The following RGS7 variants were observed in gnomAD, a reference collection of about 807,000 sequenced individuals.
RGS7 encodes the protein regulator of G-protein signaling 7.
Under a neutral mutation model 81.1 loss-of-function variants are expected in RGS7, and 27 were observed. That is an observed-to-expected ratio of 0.33 (90% CI 0.25 to 0.46). The LOEUF is 0.46. Among genes scored for constraint, RGS7 ranks in the 20% least tolerant of loss-of-function variants. RGS7 has a pLI of 1.00. For missense variants in RGS7, 396 were observed against 607.4 expected, an observed-to-expected ratio of 0.65 and a Z score of 3.66; for synonymous variants, 208 against 207.7, an observed-to-expected ratio of 1.00 and a Z score of -0.01.
intron 2 of RGS7, among the ~76,000 whole-genome samples, chr1:241,236,697 G>GCC (rs1213480605): frequency 2.6e-5 from 4 of 152,058 alleles, no homozygotes; most frequent in Admixed American, 2.6e-4. Flanking sequence ...CAGTTTTATT[G>GCC]CCACACCCAA....
intron 2 of RGS7, among the ~76,000 whole-genome samples, chr1:241,151,886 C>G (rs1572902802): frequency 2.0e-5 from 3 of 152,166 alleles, no homozygotes; most frequent in African/African-American, 7.2e-5. Context: ...CATTGGCACC[C>G]ATCGATATCA....
chr1:241,278,679 C>T (rs1222839883), intron 2 of RGS7, among the ~76,000 whole-genome samples: 2 of 152,154 alleles, frequency 1.3e-5, no homozygotes, highest in Non-Finnish European at 2.9e-5. Flanking sequence ...ACCACTGCTC[C>T]CAACAATGGG....
intron 2 of RGS7, among the ~76,000 whole-genome samples, chr1:241,248,967 G>A (rs2815867): frequency 0.69 from 104,126 of 151,962 alleles, 35,692 homozygotes; most frequent in Middle Eastern, 0.71. Context: ...AAAACATTTC[G>A]CCCTGTTTTT....
intron 6 of RGS7, among the ~76,000 whole-genome samples, chr1:240,871,405 A>G (rs549942998): frequency 6.6e-6 from 1 of 152,264 alleles, no homozygotes; most frequent in East Asian, 1.9e-4. Flanking sequence ...GACCGGTGCA[A>G]ACAGGAATAC....
At chr1:241,079,808 TC>T (rs1367014669) in intron 3 of RGS7, among the ~76,000 whole-genome samples, 1 of 151,732 alleles carries the variant, frequency 6.6e-6, no homozygotes, top group Non-Finnish European at 1.5e-5. Flanking sequence ...GAGCAAGCCA[TC>T]CCCACCCTCA....
intron 2 of RGS7, among the ~76,000 whole-genome samples, chr1:241,204,191 T>C (rs2073723064): frequency 6.6e-6 from 1 of 152,162 alleles, no homozygotes; most frequent in South Asian, 2.1e-4. Flanking sequence ...TGAAATTTTC[T>C]CAGAAATGGC....
At chr1:241,307,143 C>A (rs1158433873) in intron 2 of RGS7, among the ~76,000 whole-genome samples, 1 of 152,070 alleles carries the variant, frequency 6.6e-6, no homozygotes, top group African/African-American at 2.4e-5. Context: ...TGCTCTTGTT[C>A]CCGCCCAATC....
chr1:240,824,838 G>C (rs1317824914), intron 10 of RGS7, among the ~76,000 whole-genome samples: 2 of 152,168 alleles, frequency 1.3e-5, no homozygotes, highest in East Asian at 3.8e-4. Flanking sequence ...CTTTTAAGAA[G>C]AGGAAGAGAC....
intron 2 of RGS7, among the ~76,000 whole-genome samples, chr1:241,140,935 G>C (rs2067879804): frequency 6.6e-6 from 1 of 152,128 alleles, no homozygotes; most frequent in African/African-American, 2.4e-5. Context: ...GTAGCACTTT[G>C]GGCTTTTCAC....
chr1:241,284,095 C>T (rs964887829), intron 2 of RGS7, among the ~76,000 whole-genome samples: 2 of 151,950 alleles, frequency 1.3e-5, no homozygotes, highest in African/African-American at 4.8e-5. Flanking sequence ...CCTTTAAAAT[C>T]TTTGTCAGAT....
intron 2 of RGS7, among the ~76,000 whole-genome samples, chr1:241,353,264 T>C (rs891388903): frequency 2.0e-5 from 3 of 152,222 alleles, no homozygotes; most frequent in African/African-American, 7.2e-5. Flanking sequence ...TCTCCAATTA[T>C]TGTGTTGTTC....
At chr1:241,302,345 C>G (rs779954774) in intron 2 of RGS7, among the ~76,000 whole-genome samples, 1 of 152,072 alleles carries the variant, frequency 6.6e-6, no homozygotes, top group Admixed American at 6.5e-5. Context: ...GTCAGGAGAT[C>G]GAGACCATCC....
chr1:240,979,734 C>A (rs1208106991), intron 4 of RGS7, among the ~76,000 whole-genome samples: 1 of 152,116 alleles, frequency 6.6e-6, no homozygotes, highest in Admixed American at 6.5e-5. Context: ...CCTGAACCTT[C>A]CAACATTTAT....
chr1:241,113,690 T>C (rs185676753), intron 2 of RGS7, among the ~76,000 whole-genome samples: 1 of 152,288 alleles, frequency 6.6e-6, no homozygotes, highest in African/African-American at 2.4e-5. Context: ...ATGAATGATG[T>C]TAGGAAAATA....
chr1:240,827,218 A>G, intron 9 of RGS7, 46 bp from the exon 10 acceptor site: 2 of 1,457,772 alleles, frequency 1.4e-6, no homozygotes, highest in Non-Finnish European at 1.9e-6. Context: ...TGGGTGTGAA[A>G]TTTCTGACCA....
intron 9 of RGS7, among the ~76,000 whole-genome samples, chr1:240,847,299 T>C (rs1005503360): frequency 6.6e-6 from 1 of 152,240 alleles, no homozygotes; most frequent in African/African-American, 2.4e-5. Flanking sequence ...ATTATTTCCA[T>C]GTGTTCTCAA....
At chr1:241,309,930 C>G (rs1573614440) in intron 2 of RGS7, among the ~76,000 whole-genome samples, 1 of 152,208 alleles carries the variant, frequency 6.6e-6, no homozygotes, top group African/African-American at 2.4e-5. Context: ...CTTTTAATTT[C>G]ATGTAAAAGA....
chr1:241,315,107 C>CTTTTTTTTTTTTTTTTTT (rs5782184), intron 2 of RGS7, among the ~76,000 whole-genome samples: 5 of 57,432 alleles, frequency 8.7e-5, no homozygotes, highest in Non-Finnish European at 8.8e-5. Flanking sequence ...TCTTCTTCTT[C>CTTTTTTTTTTTTTTTTTT]TTTTTTTTTT....
intron 3 of RGS7, among the ~76,000 whole-genome samples, chr1:241,046,982 G>A (rs1380183165): frequency 6.6e-6 from 1 of 152,112 alleles, no homozygotes; most frequent in Non-Finnish European, 1.5e-5. Flanking sequence ...TCCTCCAAAG[G>A]CTTGTTCCTC....
Sources: allele counts gnomAD v4.1 joint callset (sites outside exome capture counted in the v4.1 genomes callset), GRCh38; gene constraint gnomAD v4.1.1; transcripts MANE v1.5; gene names NCBI Gene and HGNC (gene_info 2026-07-23, HGNC 2026-07-21).